Variants in KATNBL1 observed in about 807,000 individuals in gnomAD.
KATNBL1 encodes the protein katanin regulatory subunit B1 like 1, also known as KATNB1-like protein 1.
In KATNBL1, 28 loss-of-function variants were observed where a neutral mutation model predicts 44.7. That is an observed-to-expected ratio of 0.63 (90% confidence interval 0.46 to 0.86). KATNBL1 has a LOEUF of 0.86. KATNBL1 is among the 40% of genes least tolerant of loss of function. The probability of loss-of-function intolerance (pLI) is 0.00; values close to 1 mark genes in which losing one functional copy is unlikely to be tolerated. For missense variants in KATNBL1, 272 were observed against 350.7 expected, an observed-to-expected ratio of 0.78 and a Z score of 1.79; for synonymous variants, 78 against 114.9, an observed-to-expected ratio of 0.68 and a Z score of 2.06.
chr15:34,151,436 CTTTTTTTTTT>C (rs58824450), intron 4 of KATNBL1, among the ~76,000 whole-genome samples: 249 of 60,686 alleles, frequency 4.1e-3, no homozygotes, highest in African/African-American at 0.014. Flanking sequence ...CCTTTGCCTA[CTTTTTTTTTT>C]TTTTTTTTTT....
At chr15:34,164,973 C>T (rs1440531395) in intron 1 of KATNBL1, among the ~76,000 whole-genome samples, 1 of 152,222 alleles carries the variant, frequency 6.6e-6, no homozygotes, top group Non-Finnish European at 1.5e-5. Flanking sequence ...TGAACATACA[C>T]ATGAAATTTT....
intron 1 of KATNBL1, 183 bp downstream of exon 1, chr15:34,209,768 G>A (rs966035153): frequency 6.6e-6 from 1 of 151,154 alleles, no homozygotes; most frequent in African/African-American, 2.4e-5. Flanking sequence ...CCGGCAGAGG[G>A]GCTCCGCCCC....
At chr15:34,181,582 A>ACATAGATATGTCCATATATATATC (rs1889529621) in intron 1 of KATNBL1, among the ~76,000 whole-genome samples, 2 of 60,000 alleles carry the variant, frequency 3.3e-5, no homozygotes, top group African/African-American at 8.8e-5. Flanking sequence ...CCATATATAT[A>ACATAGATATGTCCATATATATATC]CATATATATA....
At chr15:34,192,276 T>A (rs543086188) in intron 1 of KATNBL1, among the ~76,000 whole-genome samples, 1 of 151,922 alleles carries the variant, frequency 6.6e-6, no homozygotes, top group South Asian at 2.1e-4. Context: ...TGGTGGCACG[T>A]GCCTGTAATC....
chr15:34,201,625 T>C (rs752962217), intron 1 of KATNBL1, among the ~76,000 whole-genome samples: 2 of 152,246 alleles, frequency 1.3e-5, no homozygotes, highest in Non-Finnish European at 2.9e-5. Context: ...ATGATTATTC[T>C]AGCATGTTTT....
chr15:34,143,793 C>CAAAAAAAAAAAAAAAAAAA (rs560420668), intron 9 of KATNBL1, among the ~76,000 whole-genome samples: 2 of 64,178 alleles, frequency 3.1e-5, no homozygotes, highest in Non-Finnish European at 2.9e-5. Context: ...ACTAAAAATA[C>CAAAAAAAAAAAAAAAAAAA]AAAAAAAAAA....
At chr15:34,153,577 T>A (rs192081147) in intron 3 of KATNBL1, among the ~76,000 whole-genome samples, 88 of 149,268 alleles carry the variant, frequency 5.9e-4, no homozygotes, top group African/African-American at 2.0e-3. Flanking sequence ...ACTCAAAAAT[T>A]TTTTTTTTTT....
intron 2 of KATNBL1, among the ~76,000 whole-genome samples, chr15:34,161,353 G>T (rs976005180): frequency 6.6e-6 from 1 of 152,122 alleles, no homozygotes; most frequent in Non-Finnish European, 1.5e-5. Context: ...CAAGGCCACC[G>T]CAATGAGGCT....
intron 1 of KATNBL1, among the ~76,000 whole-genome samples, chr15:34,175,439 G>T (rs367899777): frequency 6.0e-4 from 92 of 152,228 alleles, no homozygotes; most frequent in African/African-American, 2.1e-3. Flanking sequence ...TGTTTTTAAA[G>T]AATCTATAAA....
At chr15:34,176,793 T>C (rs1199687301) in intron 1 of KATNBL1, among the ~76,000 whole-genome samples, 1 of 152,224 alleles carries the variant, frequency 6.6e-6, no homozygotes, top group Admixed American at 6.5e-5. Flanking sequence ...TAAAGTCTCA[T>C]TGCAAAGGAT....
intron 9 of KATNBL1, chr15:34,145,086 T>C (rs1013505059): frequency 9.7e-7 from 1 of 1,033,962 alleles, no homozygotes. Context: ...TCGTCTTGTT[T>C]TCTGATGCTG....
chr15:34,197,270 A>C (rs1890052052), intron 1 of KATNBL1, among the ~76,000 whole-genome samples: 1 of 152,262 alleles, frequency 6.6e-6, no homozygotes, highest in Non-Finnish European at 1.5e-5. Flanking sequence ...ACTAGGCAGT[A>C]TGGTGTGACA....
intron 1 of KATNBL1, among the ~76,000 whole-genome samples, chr15:34,177,094 G>T (rs1398504636): frequency 1.3e-5 from 2 of 152,156 alleles, no homozygotes; most frequent in Non-Finnish European, 2.9e-5. Flanking sequence ...GGTCTTAAGA[G>T]AATAAAAGAT....
intron 1 of KATNBL1, among the ~76,000 whole-genome samples, chr15:34,178,601 C>CA (rs576628601): frequency 5.1e-4 from 78 of 151,940 alleles, no homozygotes; most frequent in Middle Eastern, 6.8e-3. Flanking sequence ...ACTAAAAATA[C>CA]AAAAATTAGC....
chr15:34,199,872 G>A (rs942985461), intron 1 of KATNBL1: 8 of 152,044 alleles, frequency 5.3e-5, no homozygotes, highest in Admixed American at 2.0e-4. Flanking sequence ...TCCACGGTGT[G>A]GAAGATGACC....
intron 4 of KATNBL1, among the ~76,000 whole-genome samples, chr15:34,150,629 CA>C (rs1227741637): frequency 6.6e-6 from 1 of 152,126 alleles, no homozygotes; most frequent in African/African-American, 2.4e-5. Flanking sequence ...ATTTTATGTT[CA>C]GGGGCACATG....
intron 1 of KATNBL1, among the ~76,000 whole-genome samples, chr15:34,181,185 A>G (rs966754770): frequency 1.3e-5 from 2 of 152,156 alleles, no homozygotes; most frequent in African/African-American, 4.8e-5. Flanking sequence ...ACATTTGGAT[A>G]TGCTGCACGT....
At chr15:34,194,585 C>T (rs1052677965) in intron 1 of KATNBL1, among the ~76,000 whole-genome samples, 1 of 152,180 alleles carries the variant, frequency 6.6e-6, no homozygotes, top group African/African-American at 2.4e-5. Context: ...GATTGTGCCA[C>T]TGCACTCCAG....
chr15:34,176,172 C>T (rs569132330), intron 1 of KATNBL1, among the ~76,000 whole-genome samples: 5 of 151,920 alleles, frequency 3.3e-5, no homozygotes, highest in Admixed American at 6.6e-5. Flanking sequence ...GTCAGGAGTT[C>T]GAAACCAGCC....
Sources: allele counts gnomAD v4.1 joint callset (sites outside exome capture counted in the v4.1 genomes callset), GRCh38; gene constraint gnomAD v4.1.1; transcripts MANE v1.5; gene names NCBI Gene and HGNC (gene_info 2026-07-23, HGNC 2026-07-21).